ZNF804B: variants seen among roughly 807,000 people sequenced by gnomAD.
ZNF804B encodes the protein zinc finger protein 804B, also known as zinc finger 804B.
In ZNF804B, 80 loss-of-function variants were observed where a neutral mutation model predicts 101.4. The observed-to-expected ratio is 0.79, with a 90% CI of 0.66 to 0.95. The LOEUF is 0.95. Among genes scored for constraint, ZNF804B ranks in the 40% least tolerant of loss-of-function variants. The probability of loss-of-function intolerance (pLI) is 0.00; values close to 1 mark genes in which losing one functional copy is unlikely to be tolerated. For missense variants in ZNF804B, 1,673 were observed against 1,561.9 expected (o/e 1.07, Z -1.20); for synonymous variants, 622 against 558.8 (o/e 1.11, Z -1.59).
At chr7:89,272,475 C>T (rs561807693) in intron 2 of ZNF804B, among the ~76,000 whole-genome samples, 29 of 151,880 alleles carry the variant, frequency 1.9e-4, no homozygotes, top group African/African-American at 6.5e-4. Context: ...AGAACAGGAG[C>T]CAAAAATACT....
At chr7:89,178,686 A>T (rs1311019753) in intron 1 of ZNF804B, among the ~76,000 whole-genome samples, 1 of 152,282 alleles carries the variant, frequency 6.6e-6, no homozygotes, top group East Asian at 1.9e-4. Flanking sequence ...TCTACTCAAG[A>T]TATGAGAAGT....
chr7:88,911,427 T>C (rs941915914), intron 1 of ZNF804B, among the ~76,000 whole-genome samples: 5 of 148,924 alleles, frequency 3.4e-5, no homozygotes, highest in African/African-American at 4.9e-5. Context: ...TAAGTAGTTA[T>C]AATATTATAT....
At chr7:89,169,499 G>A (rs1231161586) in intron 1 of ZNF804B, among the ~76,000 whole-genome samples, 1 of 152,086 alleles carries the variant, frequency 6.6e-6, no homozygotes, top group Non-Finnish European at 1.5e-5. Flanking sequence ...TTAAAGTTAG[G>A]TGTGGTCACC....
At chr7:88,771,730 G>A (rs1790066790) in intron 1 of ZNF804B, among the ~76,000 whole-genome samples, 1 of 152,062 alleles carries the variant, frequency 6.6e-6, no homozygotes, top group Admixed American at 6.6e-5. Context: ...ATCTGTGAAG[G>A]ATTTCATTAT....
At chr7:89,195,090 A>G (rs1788525366) in intron 1 of ZNF804B, among the ~76,000 whole-genome samples, 1 of 151,648 alleles carries the variant, frequency 6.6e-6, no homozygotes, top group African/African-American at 2.4e-5. Context: ...GACAAAAACC[A>G]CATGATTATC....
chr7:88,766,638 C>G (rs1789987955), intron 1 of ZNF804B, among the ~76,000 whole-genome samples: 1 of 152,202 alleles, frequency 6.6e-6, no homozygotes, highest in African/African-American at 2.4e-5. Context: ...CTGCTCATCT[C>G]CTGTTCCTAG....
chr7:89,163,747 A>G (rs1298240196), intron 1 of ZNF804B, among the ~76,000 whole-genome samples: 1 of 152,152 alleles, frequency 6.6e-6, no homozygotes, highest in South Asian at 2.1e-4. Flanking sequence ...TGTTGAACCT[A>G]TACCTGCTTC....
intron 1 of ZNF804B, among the ~76,000 whole-genome samples, chr7:88,855,998 G>C (rs1291123131): frequency 6.6e-6 from 1 of 152,118 alleles, no homozygotes; most frequent in Non-Finnish European, 1.5e-5. Context: ...TGCTGTTTTG[G>C]TTACTGTAGC....
At chr7:88,880,382 A>T (rs1289519086) in intron 1 of ZNF804B, among the ~76,000 whole-genome samples, 4 of 152,148 alleles carry the variant, frequency 2.6e-5, no homozygotes, top group Non-Finnish European at 5.9e-5. Flanking sequence ...AAAACAGATT[A>T]CAGTAGAAAT....
intron 1 of ZNF804B, among the ~76,000 whole-genome samples, chr7:89,033,275 T>C (rs933965974): frequency 1.3e-5 from 2 of 152,164 alleles, no homozygotes; most frequent in African/African-American, 2.4e-5. Flanking sequence ...CCAATTCACG[T>C]TGTCACAAAT....
In ZNF804B at chr7:89,218,407, TTA is replaced by T. The variant is rs906293182; in HGVS notation, c.249+114_249+115del. On this transcript the variant is annotated intron_variant, in intron 2 of 3. Coordinates refer to ENST00000333190, the MANE Select transcript of ZNF804B (RefSeq NM_181646.5). ...TATAAGACTGTGAGGTAAGAACATT[TTA>T]TGTCTTTTTTCCCCCCTGGAAAGGT... is the stretch of plus-strand genomic sequence containing the variant. 94 of 1,276,080 alleles carry T rather than the reference TTA, an allele frequency of 7.4e-5. No homozygotes were observed. The African/African-American group carries it at 1.2e-3, about 16-fold the overall frequency. 79.0% of individuals were successfully genotyped at this position (1,276,080 alleles called of 1,614,324 possible).
At chr7:88,836,740 C>T (rs548629849) in intron 1 of ZNF804B, among the ~76,000 whole-genome samples, 2 of 151,824 alleles carry the variant, frequency 1.3e-5, no homozygotes, top group Non-Finnish European at 2.9e-5. Context: ...GCAATTCGCT[C>T]TTTCCCAGTA....
intron 1 of ZNF804B, among the ~76,000 whole-genome samples, chr7:89,082,889 A>G (rs562467380): frequency 1.3e-5 from 2 of 151,890 alleles, no homozygotes; most frequent in East Asian, 1.9e-4. Context: ...TTTTTCTACT[A>G]TATTACTTGT....
intron 1 of ZNF804B, among the ~76,000 whole-genome samples, chr7:89,006,609 T>A (rs73383184): frequency 6.6e-6 from 1 of 151,990 alleles, no homozygotes; most frequent in East Asian, 1.9e-4. Flanking sequence ...GCACAATTGA[T>A]GTGGTTAGAT....
At chr7:89,184,732 AC>A (rs1181832616) in intron 1 of ZNF804B, among the ~76,000 whole-genome samples, 2 of 152,102 alleles carry the variant, frequency 1.3e-5, no homozygotes, top group Admixed American at 1.3e-4. Flanking sequence ...GACTCAAGTT[AC>A]TCTAGAGAGC....
intron 1 of ZNF804B, among the ~76,000 whole-genome samples, chr7:89,090,930 A>T (rs59116666): frequency 0.026 from 3,904 of 152,250 alleles, 178 homozygotes; most frequent in African/African-American, 0.086. Flanking sequence ...TGAGAACTGC[A>T]CACGTAATTA....
intron 2 of ZNF804B, among the ~76,000 whole-genome samples, chr7:89,233,440 T>C (rs757637132): frequency 1.3e-5 from 2 of 152,154 alleles, no homozygotes; most frequent in Non-Finnish European, 2.9e-5. Flanking sequence ...TTTTGATAAA[T>C]ATTTTACAAT....
rs767621640 is a variant in ZNF804B at position 89,335,156 on chromosome 7, C to A, written c.2174C>A (p.Thr725Asn). The change falls in exon 4 of 4, where the codon ACT becomes AAT. Residue 725 changes from threonine (T) to asparagine (N), a missense_variant. Physicochemically the swap from Thr to Asn is moderately conservative, Grantham distance 65. Transcript: ENST00000333190. ...AGCAGCATGTCTAGCTTGAGAAGTA[C>A]TTGTTCAAGTCATAGATTCAATGGT... ...SPSSMSSLRS[T>N]CSSHRFNGNS... The A allele has an allele frequency of 1.2e-6, 2 of 1,613,892 alleles. No homozygotes were observed. The highest frequency in any genetic ancestry group is 1.7e-6 in the Non-Finnish European group (2 of 1,179,922).
intron 1 of ZNF804B, among the ~76,000 whole-genome samples, chr7:88,858,493 G>A (rs1454964144): frequency 6.6e-6 from 1 of 152,140 alleles, no homozygotes; most frequent in Admixed American, 6.5e-5. Flanking sequence ...GAGGGACAGA[G>A]AGAATGGGGC....
Sources: gnomAD v4.1 joint callset for allele counts (sites outside exome capture counted in the v4.1 genomes callset) on GRCh38, gnomAD v4.1.1 for gene constraint, MANE v1.5 for transcripts, NCBI Gene and HGNC (gene_info 2026-07-23, HGNC 2026-07-21) for gene names.